The following ASTN1 variants were observed in gnomAD, a reference collection of about 807,000 sequenced individuals.
The protein encoded by ASTN1 is astrotactin-1.
In ASTN1, 41 loss-of-function variants were observed where a neutral mutation model predicts 140.7. That is an observed-to-expected ratio of 0.29 (90% CI 0.23 to 0.38). The LOEUF (loss-of-function observed/expected upper bound fraction) is 0.38, where lower values mean the gene tolerates loss of function less well. ASTN1 is among the 10% of genes least tolerant of loss of function. The pLI is 1.00. For missense variants in ASTN1, 1,479 were observed against 1,678.8 expected (o/e 0.88, Z 2.08); for synonymous variants, 640 against 652.2 (o/e 0.98, Z 0.29).
intron 1 of ASTN1, among the ~76,000 whole-genome samples, chr1:177,086,955 C>T (rs889789186): frequency 6.6e-6 from 1 of 152,108 alleles, no homozygotes; most frequent in African/African-American, 2.4e-5. Flanking sequence ...AAGTTATTTG[C>T]ATGGATACAG....
Position 176,957,668 on chromosome 1 carries a change from G to A in ASTN1, c.1887+10C>T, listed in dbSNP as rs1470346182. The A allele has an allele frequency of 6.2e-7, 1 of 1,613,524 alleles. No individual in the cohort carries two copies. Among genetic ancestry groups the A allele is most frequent in the African/African-American group, 1.3e-5 (1 of 74,864 alleles). On this transcript the variant is annotated intron_variant, in intron 11 of 22. Transcript: ENST00000361833. ...CAAACAGAAACTACTAGCTTGCAGG[G>A]CAGACCTACCACGCAACCAGTGGAG...
At chr1:177,150,346 C>T (rs1260314311) in intron 1 of ASTN1, among the ~76,000 whole-genome samples, 2 of 152,206 alleles carry the variant, frequency 1.3e-5, no homozygotes, top group East Asian at 1.9e-4. Flanking sequence ...GGAGAATCTA[C>T]ACACAAATCT....
chr1:176,897,712 G>A (rs1669580806), intron 16 of ASTN1, among the ~76,000 whole-genome samples: 1 of 152,044 alleles, frequency 6.6e-6, no homozygotes, highest in Non-Finnish European at 1.5e-5. Context: ...AAACAATTCC[G>A]TAACATTTAC....
At chr1:177,119,915 G>A (rs1322387425) in intron 1 of ASTN1, among the ~76,000 whole-genome samples, 3 of 152,166 alleles carry the variant, frequency 2.0e-5, no homozygotes, top group Non-Finnish European at 4.4e-5. Flanking sequence ...AAATAGCAGA[G>A]GAAGAAATGG....
chr1:176,928,380 A>C (rs1344279754), intron 16 of ASTN1, among the ~76,000 whole-genome samples: 1 of 152,236 alleles, frequency 6.6e-6, no homozygotes, highest in East Asian at 1.9e-4. Context: ...GAAATTAAAA[A>C]AAGAAGAGAA....
intron 1 of ASTN1, among the ~76,000 whole-genome samples, chr1:177,126,818 G>T (rs1274093770): frequency 2.0e-5 from 3 of 152,122 alleles, no homozygotes; most frequent in Non-Finnish European, 4.4e-5. Context: ...TTTAGTGCAT[G>T]CCTCAAGCCC....
chr1:177,029,560 A>G, intron 5 of ASTN1, 74 bp downstream of exon 5: 1 of 1,476,366 alleles, frequency 6.8e-7, no homozygotes. Context: ...ACCCAACCCA[A>G]CACCTCTTCG....
At chr1:176,876,675 T>A (rs1395398802) in intron 20 of ASTN1, 38 bp from the exon 21 acceptor site, 2 of 1,600,144 alleles carry the variant, frequency 1.2e-6, no homozygotes, top group Non-Finnish European at 1.7e-6. Context: ...GCAGAAACAG[T>A]GTGGCTGGAG....
rs1452602513 is a variant in ASTN1 at position 177,149,198 on chromosome 1, T to A, written c.283+15196A>T. ...ATATATAGTGTATATATATAGTAAA[T>A]ATATATAGTGTATATATAGTAAATA... On this transcript the variant is annotated intron_variant, in intron 1 of 22. Transcript: ENST00000361833. Among the ~76,000 whole-genome samples the A allele has an allele frequency of 2.5e-4, 27 of 108,230 alleles. 2 individuals carry two copies. The highest frequency in any genetic ancestry group is 1.1e-3 in the African/African-American group (25 of 22,996). The allele number at this position is 108,230 out of a possible 152,430, so 71.0% of individuals were successfully genotyped here.
At chr1:176,900,600 G>C (rs1407341453) in intron 16 of ASTN1, among the ~76,000 whole-genome samples, 1 of 152,172 alleles carries the variant, frequency 6.6e-6, no homozygotes, top group Non-Finnish European at 1.5e-5. Context: ...CAGACTGCCT[G>C]GGTTTGATCT....
Position 176,959,269 on chromosome 1 carries a change from T to A in ASTN1, c.1599-787A>T, listed in dbSNP as rs930796482. Among the ~76,000 whole-genome samples the A allele has an allele frequency of 2.6e-5, 4 of 152,178 alleles. No individual in the cohort carries two copies. In the East Asian group the frequency reaches 7.7e-4, roughly 29 times the overall value. ...TCATAGTCAAAAATAGTCTGTGGGA[T>A]GAAAGCCAGTGTGGATGGGATATGA... On this transcript the variant is annotated intron_variant, in intron 9 of 22. Transcript: ENST00000361833.
At chr1:177,031,684 C>T (rs1436641199) in intron 3 of ASTN1, among the ~76,000 whole-genome samples, 1 of 152,208 alleles carries the variant, frequency 6.6e-6, no homozygotes, top group East Asian at 1.9e-4. Flanking sequence ...CAACATTCAG[C>T]ATCAAACATG....
chr1:177,009,017 A>G (rs760647296), intron 8 of ASTN1, among the ~76,000 whole-genome samples: 12 of 152,166 alleles, frequency 7.9e-5, no homozygotes, highest in Admixed American at 3.9e-4. Context: ...GAAATTTCCT[A>G]TGTCACAGCA....
chr1:176,918,467 G>T (rs1670586838), intron 16 of ASTN1, among the ~76,000 whole-genome samples: 1 of 152,102 alleles, frequency 6.6e-6, no homozygotes, highest in Non-Finnish European at 1.5e-5. Flanking sequence ...CCGGCAACAT[G>T]TTCCATCTCA....
intron 8 of ASTN1, among the ~76,000 whole-genome samples, chr1:176,981,211 C>CAA (rs35209486): frequency 0.032 from 781 of 24,056 alleles, 161 homozygotes; most frequent in Middle Eastern, 0.083. Context: ...GACTCTGTCT[C>CAA]AAAAAAAAAA....
downstream of ASTN1, among the ~76,000 whole-genome samples, chr1:176,859,090 A>G (rs1037476955): frequency 6.6e-6 from 1 of 152,356 alleles, no homozygotes; most frequent in Middle Eastern, 3.4e-3. Flanking sequence ...ATTTGCATCC[A>G]AAAAGTTCCA....
chr1:176,960,799 CT>C (rs1306512380), intron 9 of ASTN1, among the ~76,000 whole-genome samples: 4 of 152,152 alleles, frequency 2.6e-5, no homozygotes, highest in Admixed American at 6.5e-5. Context: ...AATAGTCCTT[CT>C]TTCTGGATTT....
chr1:177,164,360 G>C, intron 1 of ASTN1, 34 bp downstream of exon 1: 1 of 1,530,358 alleles, frequency 6.5e-7, no homozygotes, highest in Non-Finnish European at 8.8e-7. Flanking sequence ...CCGGTCCAGC[G>C]CCTCCGGCCG....
intron 16 of ASTN1, among the ~76,000 whole-genome samples, chr1:176,923,117 A>T (rs1372610299): frequency 2.0e-5 from 3 of 152,196 alleles, no homozygotes; most frequent in Non-Finnish European, 2.9e-5. Flanking sequence ...AATTCTGTCT[A>T]ATACTAAACC....
Sources: gnomAD v4.1 joint callset for allele counts (sites outside exome capture counted in the v4.1 genomes callset) on GRCh38, gnomAD v4.1.1 for gene constraint, MANE v1.5 for transcripts, NCBI Gene and HGNC (gene_info 2026-07-23, HGNC 2026-07-21) for gene names.